Variants in TRMT13 observed in about 807,000 individuals in gnomAD.
TRMT13 encodes tRNA methyltransferase 13.
A neutral mutation model predicts 55.9 loss-of-function variants in TRMT13; 45 were observed. The ratio of observed to expected loss-of-function variants is 0.80; its 90% CI spans 0.63 to 1.03. The LOEUF (loss-of-function observed/expected upper bound fraction) is 1.03. Among genes scored for constraint, TRMT13 ranks in the 50% least tolerant of loss-of-function variants. The pLI, the probability that TRMT13 is intolerant of heterozygous loss-of-function variation, is 0.00. For synonymous variants in TRMT13, 183 were observed against 196.3 expected (o/e 0.93, Z 0.57); for missense variants, 513 against 563.9 (o/e 0.91, Z 0.91).
At chr1:100,148,469 TGTG>T (rs1657574581) in intron 10 of TRMT13, 143 bp downstream of exon 10, 1 of 1,083,084 alleles carries the variant, frequency 9.2e-7, no homozygotes, top group Non-Finnish European at 1.3e-6. Context: ...CATCTTTTAT[TGTG>T]GTCATAAATA....
At chr1:100,133,353 A>G (rs112431449) in intron 1 of TRMT13, 38 bp downstream of exon 1, 1 of 1,605,126 alleles carries the variant, frequency 6.2e-7, no homozygotes, top group South Asian at 1.1e-5. Flanking sequence ...GTCGGAAATA[A>G]GTATCCTGGT....
intron 7 of TRMT13, among the ~76,000 whole-genome samples, chr1:100,142,363 GAT>G (rs1368536710): frequency 6.6e-6 from 1 of 152,146 alleles, no homozygotes; most frequent in African/African-American, 2.4e-5. Context: ...TAATAATAAA[GAT>G]AATTTTTGTC....
chr1:100,143,700 A>C (rs1268830775), intron 8 of TRMT13, among the ~76,000 whole-genome samples: 1 of 152,044 alleles, frequency 6.6e-6, no homozygotes, highest in Non-Finnish European at 1.5e-5. Flanking sequence ...TACACACACA[A>C]ACTCCTCAAT....
chr1:100,136,947 C>T lies in TRMT13; in HGVS notation c.194+19C>T, dbSNP rs180760029. 140 of 1,599,994 alleles carry T rather than the reference C, an allele frequency of 8.8e-5. No homozygotes were observed. Among genetic ancestry groups the T allele is most frequent in the Admixed American group, 6.8e-4 (39 of 57,188 alleles). On this transcript the variant is annotated intron_variant, in intron 2 of 10. Transcript: ENST00000370141. ...CAAAACAGTAAGTGTGGATCAGATA[C>T]GGGTTTTTTTTTGTGCTGGAAACAG... is the stretch of plus-strand genomic sequence containing the variant.
At position 100,148,062 on chromosome 1, in the gene TRMT13, G is replaced by T. The variant is rs982397663; in HGVS notation, c.986G>T (p.Gly329Val). 1.9e-6 allele frequency: 3 copies of T among 1,614,220 alleles called. No homozygotes were observed. Among genetic ancestry groups the T allele is most frequent in the Non-Finnish European group, 2.5e-6 (3 of 1,180,028 alleles). Residue 329 changes from glycine to valine, a missense_variant, in exon 10 of 11, where the codon GGC becomes GTC. This residue lies in a region of TRMT13 where 209 missense variants were observed against 255.8 expected (regional missense o/e 0.82). Transcript: ENST00000370141. Reference protein sequence around the residue: ...NVPEKWNPVAGIVIALCCHHR... With the variant: ...NVPEKWNPVAVIVIALCCHHR... Reference sequence around the variant, plus strand: ...CCAGAGAAGTGGAACCCTGTGGCTGGCATTGTTATTGCACTCTGTTGTCAC... The same window carrying T: ...CCAGAGAAGTGGAACCCTGTGGCTGTCATTGTTATTGCACTCTGTTGTCAC...
At chr1:100,133,461 C>T (rs965734304) in intron 1 of TRMT13, 146 bp downstream of exon 1, 13 of 1,041,788 alleles carry the variant, frequency 1.2e-5, no homozygotes, top group Non-Finnish European at 1.8e-5. Context: ...CCAGTTTTGC[C>T]CTCCTTGCGG....
At chr1:100,144,865 A>G (rs1657035199) in intron 9 of TRMT13, among the ~76,000 whole-genome samples, 1 of 152,210 alleles carries the variant, frequency 6.6e-6, no homozygotes, top group South Asian at 2.1e-4. Flanking sequence ...TCATCTACCC[A>G]TATGGATTAC....
At chr1:100,147,834 A>G in intron 9 of TRMT13, 60 bp from the exon 10 acceptor site, 1 of 1,468,490 alleles carries the variant, frequency 6.8e-7, no homozygotes, top group Non-Finnish European at 9.1e-7. Flanking sequence ...TAATAAATGT[A>G]AAAAGTATTT....
intron 8 of TRMT13, among the ~76,000 whole-genome samples, chr1:100,143,750 C>T (rs1261725350): frequency 1.3e-5 from 2 of 152,144 alleles, no homozygotes; most frequent in African/African-American, 4.8e-5. Flanking sequence ...TTCTATTTTT[C>T]AGATTATCCA....
At chr1:100,147,867 G>C (rs781356078) in intron 9 of TRMT13, 27 bp from the exon 10 acceptor site, 4 of 1,550,300 alleles carry the variant, frequency 2.6e-6, no homozygotes, top group Non-Finnish European at 3.5e-6. Flanking sequence ...GATGTGGTTT[G>C]GGGGGGCCAC....
At chr1:100,135,558 T>C (rs999999906) in intron 1 of TRMT13, among the ~76,000 whole-genome samples, 3 of 152,192 alleles carry the variant, frequency 2.0e-5, no homozygotes, top group Non-Finnish European at 4.4e-5. Flanking sequence ...TGTTAACTAT[T>C]AGCTCACTTA....
chr1:100,147,356 G>A (rs1401836929), intron 9 of TRMT13, among the ~76,000 whole-genome samples: 1 of 152,206 alleles, frequency 6.6e-6, no homozygotes, highest in Non-Finnish European at 1.5e-5. Context: ...AGGCTACTCA[G>A]TGAGGCCTGC....
intron 10 of TRMT13, 99 bp downstream of exon 10, chr1:100,148,425 T>C: frequency 7.7e-7 from 1 of 1,294,602 alleles, no homozygotes; most frequent in Non-Finnish European, 1.1e-6. Flanking sequence ...AAATGTATTT[T>C]ATAATCTAAT....
chr1:100,133,364 C>G, intron 1 of TRMT13, 49 bp downstream of exon 1: 1 of 1,582,296 alleles, frequency 6.3e-7, no homozygotes. Flanking sequence ...GTATCCTGGT[C>G]CTGTCGGTGC....
In TRMT13 at chr1:100,133,390, C is replaced by G. The variant is rs1405140821; in HGVS notation, c.147+75C>G. 2.7e-6 allele frequency: 4 copies of G among 1,502,454 alleles called. No individual in the cohort carries two copies. The East Asian group carries it at 9.7e-5, about 37-fold the overall frequency. The allele number at this position is 1,502,454 out of a possible 1,614,324, so 93.1% of individuals were successfully genotyped here. On this transcript the variant is annotated intron_variant, in intron 1 of 10. Coordinates refer to ENST00000370141, the MANE Select transcript of TRMT13 (RefSeq NM_019083.3). Reference sequence around the variant, plus strand: ...CTGTCGGTGCTGGAACCCGGCCCCTCCCCTCTTTGACAGCTTTCTGCTTGT... The same window carrying G: ...CTGTCGGTGCTGGAACCCGGCCCCTGCCCTCTTTGACAGCTTTCTGCTTGT...
chr1:100,135,839 G>A (rs903004017), intron 1 of TRMT13, among the ~76,000 whole-genome samples: 4 of 152,084 alleles, frequency 2.6e-5, no homozygotes, highest in African/African-American at 9.7e-5. Flanking sequence ...TGACATTTCA[G>A]TCAACAACAG....
intron 1 of TRMT13, among the ~76,000 whole-genome samples, chr1:100,135,515 C>CA (rs573748636): frequency 9.3e-4 from 141 of 152,298 alleles, no homozygotes; most frequent in Non-Finnish European, 1.6e-3. Context: ...ACCACTTACT[C>CA]TATGTACAGC....
rs1657659803 is a variant in TRMT13, at chr1:100,148,989, A to G, written c.*169A>G. 1.5e-5 allele frequency: 22 copies of G among 1,432,362 alleles called. No homozygotes were observed. The highest frequency in any genetic ancestry group is 2.0e-5 in the Non-Finnish European group (21 of 1,076,388). The allele number at this position is 1,432,362 out of a possible 1,614,324, so 88.7% of individuals were successfully genotyped here. On this transcript the variant is annotated 3_prime_UTR_variant, in exon 11 of 11. Transcript: ENST00000370141. ...TTTTCTTTTTACTTCAGAAATCCAA[A>G]CATTAGAGAATTCACCAAAGTAATC... is the stretch of plus-strand genomic sequence containing the variant.
chr1:100,147,923 T>C lies in TRMT13; in HGVS notation c.847T>C (p.Tyr283His). Residue 283 changes from tyrosine to histidine, a missense_variant, in exon 10 of 11, where the codon TAT (tyrosine) becomes CAT (histidine). By Grantham distance (83) the Tyr-to-His change is moderately conservative (BLOSUM62 2). Around this residue, in one of 3 missense-constraint regions of TRMT13, gnomAD observed 209 missense variants for 255.8 expected, o/e 0.82. Transcript: ENST00000370141. Reference protein sequence around the residue: ...DLALRCLVETYAASFEERNEE... With the variant: ...DLALRCLVETHAASFEERNEE... ...TGCATTACGATGTTTGGTTGAAACC[T>C]ATGCTGCCAGTTTTGAGGAAAGGAA... 6.2e-7 allele frequency: 1 copy of C among 1,610,342 alleles called. No individual in the cohort carries two copies.
Sources: gnomAD v4.1 joint callset for allele counts (sites outside exome capture counted in the v4.1 genomes callset) on GRCh38, gnomAD v4.1.1 for gene constraint, gnomAD v4.1.1 regional missense constraint, MANE v1.5 for transcripts, NCBI Gene and HGNC (gene_info 2026-07-23, HGNC 2026-07-21) for gene names.